CCDC150: variants seen among roughly 807,000 people sequenced by gnomAD.
CCDC150 encodes coiled-coil domain-containing protein 150.
A neutral mutation model predicts 156.5 loss-of-function variants in CCDC150; 151 were observed. The ratio of observed to expected loss-of-function variants is 0.97; its 90% CI spans 0.85 to 1.10. CCDC150 has a LOEUF of 1.10. CCDC150 is among the 50% of genes least tolerant of loss of function. The probability of loss-of-function intolerance (pLI) is 0.00; values close to 1 mark genes in which losing one functional copy is unlikely to be tolerated. For missense variants in CCDC150, 1,312 were observed against 1,268.1 expected, an observed-to-expected ratio of 1.03 and a Z score of -0.53; for synonymous variants, 452 against 429.4, an observed-to-expected ratio of 1.05 and a Z score of -0.65.
intron 2 of CCDC150, 21 bp downstream of exon 2, chr2:196,646,525 C>G (rs1692551986): frequency 5.0e-6 from 8 of 1,601,886 alleles, no homozygotes; most frequent in South Asian, 2.2e-5. Flanking sequence ...TGAACTACAT[C>G]TCTGTAGGTT....
chr2:196,688,529 G>A (rs1394138592), intron 13 of CCDC150, among the ~76,000 whole-genome samples: 2 of 152,078 alleles, frequency 1.3e-5, no homozygotes, highest in Non-Finnish European at 2.9e-5. Flanking sequence ...ATATAGGATC[G>A]CATAAATGTC....
At chr2:196,691,049 G>A (rs1368075261) in intron 13 of CCDC150, among the ~76,000 whole-genome samples, 2 of 144,214 alleles carry the variant, frequency 1.4e-5, no homozygotes. Context: ...TCCCAGGGAT[G>A]TAGCCTACTT....
In CCDC150 at chr2:196,674,302, CT is replaced by C; in HGVS notation, c.1092del (p.Met365TrpfsTer16). The C allele has an allele frequency of 6.2e-7, 1 of 1,604,158 alleles. No homozygotes were observed. The highest frequency in any genetic ancestry group is 8.5e-7 in the Non-Finnish European group (1 of 1,175,020). On this transcript the variant is annotated frameshift_variant, in exon 10 of 28. Transcript: ENST00000389175. LOFTEE classifies it high-confidence loss of function. Reference protein sequence around the residue: ...SELSCMLQTVTMEKARIIADH... With the variant: ...SELSCMLQTVXMEKARIIADH... ...TTGAGCTGCATGCTTCAGACTGTTACTATGGAAAAAGCCAGAATCATTGCTG... is the reference window on the plus strand; with the variant it reads ...TTGAGCTGCATGCTTCAGACTGTTACATGGAAAAAGCCAGAATCATTGCTG...
intron 18 of CCDC150, 80 bp from the exon 19 acceptor site, chr2:196,719,417 T>C: frequency 8.5e-7 from 1 of 1,181,882 alleles, no homozygotes; most frequent in South Asian, 2.0e-5. Flanking sequence ...CCATGCTCTT[T>C]CCTGGGAGTA....
intron 25 of CCDC150, 102 bp from the exon 26 acceptor site, chr2:196,730,757 A>G (rs1006833607): frequency 3.0e-5 from 25 of 839,464 alleles, no homozygotes; most frequent in Admixed American, 2.0e-4. Flanking sequence ...AAGGCACTCC[A>G]TCCTATTTTC....
chr2:196,657,342 A>G, intron 4 of CCDC150: 1 of 522,038 alleles, frequency 1.9e-6, no homozygotes, highest in Non-Finnish European at 3.4e-6. Context: ...GTGATTGATT[A>G]TTTGTACAAC....
Position 196,719,500 on chromosome 2 carries a change from G to A in CCDC150, c.1999G>A (p.Gly667Arg), listed in dbSNP as rs760850483. Residue 667 changes from glycine to arginine, a missense_variant, in exon 19 of 28, where the codon GGA becomes AGA. Transcript: ENST00000389175. ...GTGTTGTTTCATTTTCTGTTAGGTG[G>A]GAAACTTTCAGCGACAATTGGCAGA... ...AVEDRENKKVGNFQRQLAEAK... is the reference protein window; with the variant it reads ...AVEDRENKKVRNFQRQLAEAK... 5 of 1,608,686 alleles carry A rather than the reference G, an allele frequency of 3.1e-6. No individual in the cohort carries two copies. The African/African-American group carries it at 5.4e-5, about 17-fold the overall frequency.
At chr2:196,667,188 AG>A in intron 7 of CCDC150, 1 of 322,040 alleles carries the variant, frequency 3.1e-6, no homozygotes, top group South Asian at 3.4e-5. Flanking sequence ...AATATTAGTA[AG>A]GTAGTAAGGC....
In CCDC150 at chr2:196,726,056, A is replaced by G; in HGVS notation, c.2513A>G (p.Glu838Gly). 6.2e-7 allele frequency: 1 copy of G among 1,612,894 alleles called. No individual in the cohort carries two copies. The highest frequency in any genetic ancestry group is 1.7e-5 in the Admixed American group (1 of 59,918). ...GCTCTAAGAAAGCAGTTTCAAACCG[A>G]GAGAGAAACTACAAAGAAAGTGGCA... Reference protein sequence around the residue: ...IEALRKQFQTERETTKKVAQR... With the variant: ...IEALRKQFQTGRETTKKVAQR... The change falls in exon 22 of 28, where the codon GAG becomes GGG. Residue 838 changes from glutamate to glycine, a missense_variant. Coordinates refer to ENST00000389175, the MANE Select transcript of CCDC150 (RefSeq NM_001080539.2).
intron 5 of CCDC150, among the ~76,000 whole-genome samples, chr2:196,659,288 G>A (rs748482291): frequency 2.9e-4 from 44 of 152,128 alleles, no homozygotes; most frequent in Non-Finnish European, 5.7e-4. Context: ...TATGAAGTAG[G>A]TGGCTGCTAA....
intron 2 of CCDC150, among the ~76,000 whole-genome samples, chr2:196,650,551 G>A (rs1214660299): frequency 1.3e-5 from 2 of 152,026 alleles, no homozygotes; most frequent in South Asian, 2.1e-4. Context: ...GTGCCACCAC[G>A]CCTGGCTAAT....
intron 5 of CCDC150, among the ~76,000 whole-genome samples, chr2:196,661,266 A>G (rs1174438998): frequency 6.6e-6 from 1 of 152,152 alleles, no homozygotes; most frequent in Non-Finnish European, 1.5e-5. Context: ...AATCCTAAAG[A>G]CTTGGTGGTA....
intron 1 of CCDC150, 79 bp downstream of exon 1, chr2:196,639,857 C>A: frequency 8.0e-7 from 1 of 1,252,070 alleles, no homozygotes; most frequent in Non-Finnish European, 1.1e-6. Flanking sequence ...ACAGTCACCA[C>A]TCCCTGGCGC....
chr2:196,731,067 C>T lies in CCDC150; in HGVS notation c.3069+122C>T, dbSNP rs137880215. Reference sequence around the variant, plus strand: ...TTGTCAGGAATGCAACAGGGAAGAACGAGTAACTTCCTAAGTGTAGTCTCT... The same window carrying T: ...TTGTCAGGAATGCAACAGGGAAGAATGAGTAACTTCCTAAGTGTAGTCTCT... On this transcript the variant is annotated intron_variant, in intron 26 of 27. Transcript: ENST00000389175. 775 of 632,098 alleles carry T rather than the reference C, an allele frequency of 1.2e-3. 5 individuals are homozygous for T. In the African/African-American group the frequency reaches 0.013, roughly 10 times the overall value. The allele number at this position is 632,098 out of a possible 1,614,324, so 39.2% of individuals were successfully genotyped here. A position where few individuals can be genotyped will look rare whatever the true frequency, so the allele number is the denominator to read the frequency against.
chr2:196,728,095 A>T (rs1698317186), intron 22 of CCDC150: 1 of 151,618 alleles, frequency 6.6e-6, no homozygotes, highest in Non-Finnish European at 1.5e-5. Context: ...ACAGTGAGAG[A>T]GTGACAGCAG....
At chr2:196,660,296 A>G (rs1693486093) in intron 5 of CCDC150, among the ~76,000 whole-genome samples, 1 of 152,214 alleles carries the variant, frequency 6.6e-6, no homozygotes, top group Admixed American at 6.5e-5. Context: ...TTACATAGAC[A>G]TACGTTTCCA....
At chr2:196,647,077 T>A (rs950504473) in intron 2 of CCDC150, among the ~76,000 whole-genome samples, 16 of 152,202 alleles carry the variant, frequency 1.1e-4, no homozygotes, top group South Asian at 4.2e-4. Context: ...TGTGATTTTT[T>A]AAAAATTACA....
rs781521136 is a variant in CCDC150 at position 196,729,171 on chromosome 2, A to G, written c.2557-22A>G. ...CTTAATGGAAAGTAAAAATGTTTCA[A>G]TTTTCTCCCTTGTGTTTTAAGCTGA... On this transcript the variant is annotated intron_variant, in intron 22 of 27. Coordinates refer to ENST00000389175, the MANE Select transcript of CCDC150 (RefSeq NM_001080539.2). 30 of 1,579,264 alleles carry G rather than the reference A, an allele frequency of 1.9e-5. No individual in the cohort carries two copies. In the Admixed American group the frequency reaches 2.4e-4, roughly 12 times the overall value.
Position 196,690,428 on chromosome 2 carries a change from T to C in CCDC150, c.1510-4618T>C, listed in dbSNP as rs193157954. On this transcript the variant is annotated intron_variant, in intron 13 of 27. Coordinates refer to ENST00000389175, the MANE Select transcript of CCDC150 (RefSeq NM_001080539.2). ...ACCTAAAACGTTTTAATTGTACATA[T>C]ACTTGAAGTTAATATGTAAATTCAT... Among the ~76,000 whole-genome samples, 834 of 152,300 alleles carry C rather than the reference T, an allele frequency of 5.5e-3. 3 individuals carry two copies. Among genetic ancestry groups the C allele is most frequent in the Middle Eastern group, 0.051 (15 of 294 alleles).
Sources: allele counts gnomAD v4.1 joint callset (sites outside exome capture counted in the v4.1 genomes callset), GRCh38; gene constraint gnomAD v4.1.1; transcripts MANE v1.5; gene names NCBI Gene and HGNC (gene_info 2026-07-23, HGNC 2026-07-21).